TPST2: variants seen among roughly 807,000 people sequenced by gnomAD.
TPST2 encodes protein-tyrosine sulfotransferase 2.
In TPST2, 16 loss-of-function variants were observed where a neutral mutation model predicts 27.8. The observed-to-expected ratio is 0.58, with a 90% CI of 0.39 to 0.88. TPST2 has a LOEUF of 0.88. Among genes scored for constraint, TPST2 ranks in the 40% least tolerant of loss-of-function variants. The pLI is 0.00. For missense variants in TPST2, 464 were observed against 543.1 expected, an observed-to-expected ratio of 0.85 and a Z score of 1.45; for synonymous variants, 229 against 231.7, an observed-to-expected ratio of 0.99 and a Z score of 0.10.
intron 1 of TPST2, among the ~76,000 whole-genome samples, chr22:26,552,045 A>G (rs1030240299): frequency 6.6e-6 from 1 of 151,720 alleles, no homozygotes; most frequent in South Asian, 2.1e-4. Flanking sequence ...TGCCCGGCTA[A>G]TATTTTATTT....
chr22:26,535,075 G>A (rs1000236222), intron 4 of TPST2, among the ~76,000 whole-genome samples: 2 of 152,302 alleles, frequency 1.3e-5, no homozygotes, highest in East Asian at 1.9e-4. Context: ...AAAGCTCAGC[G>A]TTAGTAAATT....
intron 1 of TPST2, among the ~76,000 whole-genome samples, chr22:26,586,730 T>C (rs534442058): frequency 6.6e-6 from 1 of 152,302 alleles, no homozygotes; most frequent in East Asian, 1.9e-4. Context: ...AACACGCAGA[T>C]AAGTGCTGGT....
rs1251150830 is a variant in TPST2, at chr22:26,524,933, G to GT, written c.*1341dup. 6.6e-6 allele frequency: 1 copy of GT among 152,194 alleles called. No homozygotes were observed. Among genetic ancestry groups the GT allele is most frequent in the African/African-American group, 2.4e-5 (1 of 41,442 alleles). 9.4% of individuals were successfully genotyped at this position (152,194 alleles called of 1,614,324 possible). A position where few individuals can be genotyped will look rare whatever the true frequency, so the allele number is the denominator to read the frequency against. Reference sequence around the variant, plus strand: ...GCCTTGGGCCATACCAGGCCAGATAGTTTGTGCTAATAATGTGATTTATGG... The same window carrying GT: ...GCCTTGGGCCATACCAGGCCAGATAGTTTTGTGCTAATAATGTGATTTATGG... On this transcript the variant is annotated 3_prime_UTR_variant, in exon 7 of 7. Transcript: ENST00000338754.
At chr22:26,569,668 G>T (rs1274745857) in intron 1 of TPST2, among the ~76,000 whole-genome samples, 2 of 151,044 alleles carry the variant, frequency 1.3e-5, no homozygotes, top group Non-Finnish European at 2.9e-5. Context: ...GAAAATTAAT[G>T]GCCTGGCACG....
At chr22:26,555,706 A>T (rs918381526) in intron 1 of TPST2, among the ~76,000 whole-genome samples, 1 of 152,218 alleles carries the variant, frequency 6.6e-6, no homozygotes, top group African/African-American at 2.4e-5. Context: ...GGCGGTGGGA[A>T]CACGTTCAGG....
In TPST2 at chr22:26,560,889, A is replaced by C. The variant is rs1927052639; in HGVS notation, c.-160-16214T>G. The C allele has an allele frequency of 2.5e-6, 4 of 1,600,064 alleles. No individual in the cohort carries two copies. In the South Asian group the frequency reaches 4.4e-5, roughly 18 times the overall value. ...CAAAGGAGAACATCCTGGCCTGTCC[A>C]TTGGTGATGTTGCGAAGAAACTGGG... On this transcript the variant is annotated intron_variant, in intron 1 of 6. Coordinates refer to ENST00000338754, the MANE Select transcript of TPST2 (RefSeq NM_003595.5).
chr22:26,580,852 G>A (rs1928073639), intron 1 of TPST2, among the ~76,000 whole-genome samples: 1 of 152,074 alleles, frequency 6.6e-6, no homozygotes, highest in South Asian at 2.1e-4. Flanking sequence ...CAGAGGGTGG[G>A]GAGGAAGACT....
At chr22:26,584,999 C>T (rs910811177) in intron 1 of TPST2, among the ~76,000 whole-genome samples, 2 of 152,154 alleles carry the variant, frequency 1.3e-5, no homozygotes, top group African/African-American at 4.8e-5. Context: ...TTGCCTGGTA[C>T]CAAGATAAGT....
intron 1 of TPST2, among the ~76,000 whole-genome samples, chr22:26,568,043 A>T (rs1927444045): frequency 6.6e-6 from 1 of 152,194 alleles, no homozygotes; most frequent in African/African-American, 2.4e-5. Context: ...ACAACCCAGC[A>T]TTTCTACTGC....
chr22:26,578,008 G>A (rs1270003912), intron 1 of TPST2, among the ~76,000 whole-genome samples: 1 of 152,068 alleles, frequency 6.6e-6, no homozygotes, highest in Non-Finnish European at 1.5e-5. Context: ...CATGTAGCTG[G>A]AGGAAGGAAT....
chr22:26,544,558 A>G (rs1926021316), intron 2 of TPST2, 46 bp downstream of exon 2: 1 of 975,758 alleles, frequency 1.0e-6, no homozygotes, highest in Non-Finnish European at 1.2e-6. Flanking sequence ...GGGCGGTCTC[A>G]GGAGGGGCCA....
chr22:26,532,810 C>T, intron 4 of TPST2, 65 bp from the exon 5 acceptor site: 4 of 1,497,076 alleles, frequency 2.7e-6, no homozygotes, highest in Non-Finnish European at 3.7e-6. Flanking sequence ...TTAGTCATTC[C>T]CAACACATCC....
At chr22:26,561,104 T>C (rs9608502) in intron 1 of TPST2, 617,197 of 1,580,304 alleles carry the variant, frequency 0.39, 105,846 homozygotes, top group East Asian at 0.51. Context: ...ATGAGGAAGA[T>C]GAAGAGGATG....
chr22:26,535,889 A>G (rs1925427725), intron 4 of TPST2: 1 of 348,488 alleles, frequency 2.9e-6, no homozygotes, highest in African/African-American at 2.1e-5. Flanking sequence ...TCCACATTAA[A>G]CCTTATAAGA....
intron 1 of TPST2, among the ~76,000 whole-genome samples, chr22:26,588,904 G>C (rs1255328591): frequency 2.6e-5 from 4 of 152,226 alleles, no homozygotes; most frequent in African/African-American, 9.6e-5. Flanking sequence ...CTGGCAGACA[G>C]ACATGCAAGG....
chr22:26,533,805 G>C (rs113386752), intron 4 of TPST2, among the ~76,000 whole-genome samples: 8,810 of 152,046 alleles, frequency 0.058, 295 homozygotes, highest in East Asian at 0.077. Flanking sequence ...CTTCTGAGTA[G>C]CTGGGACTAT....
At chr22:26,585,548 G>T (rs1430807886) in intron 1 of TPST2, among the ~76,000 whole-genome samples, 4 of 152,144 alleles carry the variant, frequency 2.6e-5, no homozygotes, top group African/African-American at 9.7e-5. Flanking sequence ...GAGGGCACGG[G>T]GACTTGCAAG....
intron 5 of TPST2, among the ~76,000 whole-genome samples, chr22:26,529,797 A>G (rs1925049395): frequency 6.6e-6 from 1 of 152,126 alleles, no homozygotes; most frequent in African/African-American, 2.4e-5. Flanking sequence ...CATGTGCCAC[A>G]TGTGCCATAC....
rs1006000083 is a variant in TPST2, at chr22:26,526,211, G to A, written c.*64C>T. The A allele has an allele frequency of 6.6e-6, 1 of 152,164 alleles. No individual in the cohort carries two copies. The allele number at this position is 152,164 out of a possible 1,614,324, so 9.4% of individuals were successfully genotyped here. ...AGCAATATGCTTGGATTAGAGGTCC[G>A]ATTTCCACTTAAATGCATTTTCTTC... On this transcript the variant is annotated 3_prime_UTR_variant, in exon 7 of 7. Transcript: ENST00000338754.
Sources: allele counts gnomAD v4.1 joint callset (sites outside exome capture counted in the v4.1 genomes callset), GRCh38; gene constraint gnomAD v4.1.1; transcripts MANE v1.5; gene names NCBI Gene and HGNC (gene_info 2026-07-23, HGNC 2026-07-21).